The following NIM1K variants were observed in gnomAD, a reference collection of about 807,000 sequenced individuals.
NIM1K encodes the protein serine/threonine-protein kinase NIM1.
NIM1K carries 35 observed loss-of-function variants against 37.1 expected under a neutral mutation model. The ratio of observed to expected loss-of-function variants is 0.94; its 90% CI spans 0.72 to 1.25. The LOEUF (loss-of-function observed/expected upper bound fraction) is 1.25, where lower values mean the gene tolerates loss of function less well. Ranked by LOEUF, NIM1K falls within the 50% of genes most tolerant of loss-of-function variation. The pLI is 0.00. For missense variants in NIM1K, 564 were observed against 548.0 expected (o/e 1.03, Z -0.29); for synonymous variants, 234 against 206.6 (o/e 1.13, Z -1.14).
chr5:43,233,311 T>A, intron 1 of NIM1K: 2 of 261,462 alleles, frequency 7.6e-6, no homozygotes, highest in South Asian at 7.5e-5. Context: ...AGAGTGACAC[T>A]TAAAAAAAAA....
intron 1 of NIM1K, among the ~76,000 whole-genome samples, chr5:43,198,136 T>TTTCTTTCC (rs1318014831): frequency 2.9e-5 from 1 of 33,948 alleles, no homozygotes; most frequent in African/African-American, 1.1e-4. Flanking sequence ...ATATGATTTC[T>TTTCTTTCC]TTCTTTCTTT....
chr5:43,264,448 GC>G (rs538607339), intron 2 of NIM1K, among the ~76,000 whole-genome samples: 4,861 of 152,100 alleles, frequency 0.032, 280 homozygotes, highest in African/African-American at 0.11. Flanking sequence ...TGTAACCCCT[GC>G]CTTTTTCTGT....
At chr5:43,250,879 G>C (rs915120649) in intron 2 of NIM1K, among the ~76,000 whole-genome samples, 1 of 152,156 alleles carries the variant, frequency 6.6e-6, no homozygotes, top group African/African-American at 2.4e-5. Context: ...AAGCAGGATG[G>C]GACAGTAGGA....
intron 1 of NIM1K, among the ~76,000 whole-genome samples, chr5:43,244,094 A>G (rs1183945147): frequency 3.3e-5 from 5 of 152,176 alleles, no homozygotes; most frequent in Admixed American, 2.0e-4. Flanking sequence ...GCAACCCCAT[A>G]CTTAACCTTA....
intron 1 of NIM1K, chr5:43,233,093 G>T: frequency 7.4e-7 from 1 of 1,344,328 alleles, no homozygotes. Context: ...TGGATGCCAT[G>T]TTCCAGGCAG....
At chr5:43,207,952 A>T (rs1752141732) in intron 1 of NIM1K, 1 of 613,190 alleles carries the variant, frequency 1.6e-6, no homozygotes, top group Non-Finnish European at 2.1e-6. Context: ...TTTAATTTTA[A>T]AAAGCAAATG....
At chr5:43,225,859 A>G (rs1752450240) in intron 1 of NIM1K, 2 of 150,892 alleles carry the variant, frequency 1.3e-5, no homozygotes, top group South Asian at 2.1e-4. Flanking sequence ...CAGCCTGACA[A>G]GAGAGACAGC....
chr5:43,228,964 A>G (rs1042844861), intron 1 of NIM1K, among the ~76,000 whole-genome samples: 2 of 152,254 alleles, frequency 1.3e-5, no homozygotes, highest in Admixed American at 1.3e-4. Flanking sequence ...GTATTACATG[A>G]AAAATATAGA....
chr5:43,197,731 G>A (rs1751939602), intron 1 of NIM1K, among the ~76,000 whole-genome samples: 2 of 152,046 alleles, frequency 1.3e-5, no homozygotes, highest in Admixed American at 1.3e-4. Context: ...AATCACACCT[G>A]GAAATTCCTT....
At chr5:43,196,486 T>A (rs1165743618) in intron 1 of NIM1K, among the ~76,000 whole-genome samples, 1 of 142,966 alleles carries the variant, frequency 7.0e-6, no homozygotes, top group African/African-American at 2.6e-5. Context: ...AAAAAAAAAA[T>A]TAGCCAGGTG....
At chr5:43,264,843 G>A (rs557531437) in intron 2 of NIM1K, among the ~76,000 whole-genome samples, 1 of 152,208 alleles carries the variant, frequency 6.6e-6, no homozygotes, top group East Asian at 1.9e-4. Flanking sequence ...AGCATTTTTT[G>A]TCTGTAAAGG....
chr5:43,215,224 C>T (rs1006171687), intron 1 of NIM1K, among the ~76,000 whole-genome samples: 2 of 152,184 alleles, frequency 1.3e-5, no homozygotes, highest in African/African-American at 4.8e-5. Flanking sequence ...TCCCAAAGCC[C>T]TCTGGCTCCC....
chr5:43,262,475 T>C (rs1057213840), intron 2 of NIM1K, among the ~76,000 whole-genome samples: 4 of 152,256 alleles, frequency 2.6e-5, no homozygotes, highest in African/African-American at 9.6e-5. Flanking sequence ...GAGACTTTGC[T>C]GAAGTTCTTT....
At chr5:43,266,215 A>C (rs1262046104) in intron 2 of NIM1K, among the ~76,000 whole-genome samples, 1 of 152,170 alleles carries the variant, frequency 6.6e-6, no homozygotes, top group Non-Finnish European at 1.5e-5. Flanking sequence ...CCCTGCCCCT[A>C]GAGGTGGAGT....
chr5:43,252,165 T>G (rs954140664), intron 2 of NIM1K, among the ~76,000 whole-genome samples: 11 of 152,210 alleles, frequency 7.2e-5, no homozygotes, highest in African/African-American at 2.7e-4. Context: ...TATACTGACT[T>G]ACTTCTCGGG....
chr5:43,215,845 T>C (rs1380418061), intron 1 of NIM1K, among the ~76,000 whole-genome samples: 6 of 152,370 alleles, frequency 3.9e-5, no homozygotes, highest in Non-Finnish European at 8.8e-5. Flanking sequence ...TATTACTTAC[T>C]ACGCTCCCTT....
chr5:43,221,903 A>C (rs117035307), intron 1 of NIM1K, among the ~76,000 whole-genome samples: 1 of 152,372 alleles, frequency 6.6e-6, no homozygotes, highest in Admixed American at 6.5e-5. Context: ...TGAGGACAGG[A>C]ACTATGTCTT....
chr5:43,198,668 T>C (rs1375279421), intron 1 of NIM1K, among the ~76,000 whole-genome samples: 1 of 152,222 alleles, frequency 6.6e-6, no homozygotes, highest in Non-Finnish European at 1.5e-5. Flanking sequence ...GGATTGCCTG[T>C]GGCACACACA....
At chr5:43,216,254 G>A (rs542898430) in intron 1 of NIM1K, among the ~76,000 whole-genome samples, 3 of 152,182 alleles carry the variant, frequency 2.0e-5, no homozygotes, top group Non-Finnish European at 4.4e-5. Flanking sequence ...AAACTGGTGA[G>A]TCTGACTCTG....
Sources: gnomAD v4.1 joint callset for allele counts (sites outside exome capture counted in the v4.1 genomes callset) on GRCh38, gnomAD v4.1.1 for gene constraint, MANE v1.5 for transcripts, NCBI Gene and HGNC (gene_info 2026-07-23, HGNC 2026-07-21) for gene names.